CSMD1: variants seen among roughly 807,000 people sequenced by gnomAD.
CSMD1 encodes the protein CUB and sushi domain-containing protein 1.
CSMD1 carries 213 observed loss-of-function variants against 417.5 expected under a neutral mutation model. The observed-to-expected ratio is 0.51, with a 90% CI of 0.46 to 0.57. The LOEUF (loss-of-function observed/expected upper bound fraction) is 0.57. Among genes scored for constraint, CSMD1 ranks in the 20% least tolerant of loss-of-function variants. The pLI is 0.00. For synonymous variants in CSMD1, 2,862 were observed against 1,736.8 expected (o/e 1.65, Z -16.11); for missense variants, 6,923 against 4,529.7 (o/e 1.53, Z -15.17).
intron 5 of CSMD1, among the ~76,000 whole-genome samples, chr8:3,807,531 C>G (rs925054173): frequency 6.6e-6 from 1 of 152,118 alleles, no homozygotes. Context: ...TCAACAGATA[C>G]TAATGATATG....
intron 3 of CSMD1, among the ~76,000 whole-genome samples, chr8:4,306,073 T>C (rs1443694832): frequency 1.3e-5 from 2 of 152,202 alleles, no homozygotes; most frequent in African/African-American, 2.4e-5. Context: ...TGATTTATGA[T>C]TGTGAGAAAT....
At chr8:3,308,045 G>C (rs969444648) in intron 24 of CSMD1, among the ~76,000 whole-genome samples, 1 of 150,192 alleles carries the variant, frequency 6.7e-6, no homozygotes, top group African/African-American at 2.5e-5. Flanking sequence ...AAAGCAATAA[G>C]ACACTCATGT....
intron 2 of CSMD1, among the ~76,000 whole-genome samples, chr8:4,514,071 A>C (rs1802976490): frequency 1.3e-5 from 2 of 152,070 alleles, no homozygotes. Context: ...CAAAATTTTT[A>C]TTTTATTATT....
At chr8:4,735,716 C>T (rs1810190361) in intron 1 of CSMD1, among the ~76,000 whole-genome samples, 1 of 152,134 alleles carries the variant, frequency 6.6e-6, no homozygotes, top group African/African-American at 2.4e-5. Flanking sequence ...CTTTTATCTC[C>T]CTAATATCTC....
chr8:4,177,389 A>C (rs1798113007), intron 3 of CSMD1, among the ~76,000 whole-genome samples: 1 of 152,108 alleles, frequency 6.6e-6, no homozygotes, highest in South Asian at 2.1e-4. Flanking sequence ...CAACGAGAAC[A>C]AAGACACAAC....
intron 10 of CSMD1, among the ~76,000 whole-genome samples, chr8:3,564,082 A>G (rs1476454295): frequency 6.6e-6 from 1 of 152,204 alleles, no homozygotes; most frequent in East Asian, 1.9e-4. Flanking sequence ...TATATGATGC[A>G]TAATGACCAA....
In CSMD1 at chr8:2,973,169, T is replaced by C; in HGVS notation, c.8871A>G (p.Glu2957=). 2 of 1,613,752 alleles carry C rather than the reference T, an allele frequency of 1.2e-6. No homozygotes were observed. Among genetic ancestry groups the C allele is most frequent in the Non-Finnish European group, 1.7e-6 (2 of 1,179,748 alleles). ...ATGACCCATTGAGCAAACACGTGCG[T>C]TCAGGGGAGCCCCTCAGCTGGTGCC... ...EMGHQLRGSP[E]RTCLLNGSWS... The change falls in exon 57 of 70, where the codon GAA becomes GAG. Residue 2957 remains glutamate (E), a synonymous_variant. Coordinates refer to ENST00000635120, the MANE Select transcript of CSMD1 (RefSeq NM_033225.6).
intron 1 of CSMD1, among the ~76,000 whole-genome samples, chr8:4,793,110 G>C (rs934431673): frequency 6.6e-6 from 1 of 151,522 alleles, no homozygotes; most frequent in Non-Finnish European, 1.5e-5. Flanking sequence ...TTTTTCTTTT[G>C]TCTTAGAAAT....
chr8:4,920,182 A>G (rs1806340570), intron 1 of CSMD1, among the ~76,000 whole-genome samples: 1 of 152,090 alleles, frequency 6.6e-6, no homozygotes, highest in Non-Finnish European at 1.5e-5. Flanking sequence ...GCCTTTTCTA[A>G]GAGTCTTATG....
At chr8:2,942,409 C>T (rs1801940099) in intron 69 of CSMD1, 63 bp downstream of exon 69, 3 of 1,401,722 alleles carry the variant, frequency 2.1e-6, no homozygotes, top group Non-Finnish European at 2.0e-6. Context: ...AGAGCATGCC[C>T]ATTACTTTAA....
chr8:3,711,153 G>A (rs1481902840), intron 6 of CSMD1, among the ~76,000 whole-genome samples: 1 of 152,178 alleles, frequency 6.6e-6, no homozygotes, highest in Non-Finnish European at 1.5e-5. Context: ...AGGGTAAGAG[G>A]GAGAAACGAG....
chr8:4,855,532 T>C (rs1801746353), intron 1 of CSMD1, among the ~76,000 whole-genome samples: 1 of 151,992 alleles, frequency 6.6e-6, no homozygotes, highest in Non-Finnish European at 1.5e-5. Context: ...TTTAGAAGAA[T>C]GTATAACTAG....
intron 11 of CSMD1, among the ~76,000 whole-genome samples, chr8:3,473,865 C>T (rs1817249007): frequency 6.6e-6 from 1 of 152,016 alleles, no homozygotes; most frequent in East Asian, 1.9e-4. Flanking sequence ...GCTTGGGAGG[C>T]CTCAGGAAAC....
At chr8:4,023,752 A>C (rs1479832353) in intron 4 of CSMD1, among the ~76,000 whole-genome samples, 1 of 91,376 alleles carries the variant, frequency 1.1e-5, no homozygotes, top group Non-Finnish European at 2.0e-5. Flanking sequence ...ACGCTCGGCT[A>C]ATTTTTTTTT....
intron 25 of CSMD1, among the ~76,000 whole-genome samples, chr8:3,298,046 C>A (rs900340396): frequency 6.6e-6 from 1 of 152,108 alleles, no homozygotes; most frequent in African/African-American, 2.4e-5. Flanking sequence ...AGGTACCACA[C>A]CCCCAGTAGA....
intron 2 of CSMD1, among the ~76,000 whole-genome samples, chr8:4,479,022 AG>A (rs1800948963): frequency 1.3e-5 from 2 of 152,210 alleles, no homozygotes; most frequent in East Asian, 3.9e-4. Context: ...TGCAATTCCT[AG>A]GGAAGATAAC....
In CSMD1 at chr8:2,978,788, G is replaced by C. The variant is rs548280611; in HGVS notation, c.8390C>G (p.Ser2797Cys). The change falls in exon 55 of 70, where the codon TCT (serine) becomes TGT (cysteine). Residue 2797 changes from serine to cysteine, a missense_variant. By Grantham distance (112) the Ser-to-Cys change is moderately radical. Coordinates refer to ENST00000635120, the MANE Select transcript of CSMD1 (RefSeq NM_033225.6). Reference sequence around the variant, plus strand: ...GGCATTTTCCACAAAGCCTGGATCAGAACAGTTCACCACTAGAAAATAAAA... The same window carrying C: ...GGCATTTTCCACAAAGCCTGGATCACAACAGTTCACCACTAGAAAATAAAA... ...PLPTCRVVNC[S>C]DPGFVENAIR... 1.9e-6 allele frequency: 3 copies of C among 1,611,486 alleles called. No individual in the cohort carries two copies. In the South Asian group the frequency reaches 3.3e-5, roughly 18 times the overall value.
At chr8:4,759,214 T>C (rs1811866825) in intron 1 of CSMD1, among the ~76,000 whole-genome samples, 1 of 152,216 alleles carries the variant, frequency 6.6e-6, no homozygotes, top group Non-Finnish European at 1.5e-5. Flanking sequence ...CCAGAGGCTC[T>C]GGTCTCTTTA....
chr8:4,986,087 T>G (rs1381911949), intron 1 of CSMD1, among the ~76,000 whole-genome samples: 1 of 152,206 alleles, frequency 6.6e-6, no homozygotes, highest in Non-Finnish European at 1.5e-5. Flanking sequence ...ATAAAAGGGA[T>G]AGTTTGAAAT....
Sources: allele counts gnomAD v4.1 joint callset (sites outside exome capture counted in the v4.1 genomes callset), GRCh38; gene constraint gnomAD v4.1.1; transcripts MANE v1.5; gene names NCBI Gene and HGNC (gene_info 2026-07-23, HGNC 2026-07-21).